EFCAB11: variants seen among roughly 807,000 people sequenced by gnomAD.
EFCAB11 encodes EF-hand calcium binding domain 11.
Under a neutral mutation model 23.0 loss-of-function variants are expected in EFCAB11, and 14 were observed. That is an observed-to-expected ratio of 0.61 (90% CI 0.40 to 0.95). The LOEUF is 0.95. EFCAB11 is among the 40% of genes least tolerant of loss of function. The pLI, the probability that EFCAB11 is intolerant of heterozygous loss-of-function variation, is 0.00. For missense variants in EFCAB11, 198 were observed against 195.8 expected (o/e 1.01, Z -0.07); for synonymous variants, 65 against 66.6 (o/e 0.98, Z 0.11).
At chr14:89,821,172 T>C (rs1022011730) in intron 5 of EFCAB11, among the ~76,000 whole-genome samples, 1 of 152,150 alleles carries the variant, frequency 6.6e-6, no homozygotes, top group African/African-American at 2.4e-5. Flanking sequence ...GTGATTAACA[T>C]TTCAATCAGT....
intron 5 of EFCAB11, among the ~76,000 whole-genome samples, chr14:89,930,845 G>C (rs1258147762): frequency 2.0e-5 from 3 of 152,260 alleles, no homozygotes; most frequent in African/African-American, 7.2e-5. Context: ...GAATACACCT[G>C]TTAACAGGGT....
At position 89,873,087 on chromosome 14, in the gene EFCAB11, A is replaced by G. The variant is rs141452816; in HGVS notation, c.410+58454T>C. Among the ~76,000 whole-genome samples the G allele has an allele frequency of 2.0e-5, 3 of 152,328 alleles. No individual in the cohort carries two copies. The South Asian group carries it at 6.2e-4, about 32-fold the overall frequency. On this transcript the variant is annotated intron_variant, in intron 5 of 5. Transcript: ENST00000316738. The stretch of plus-strand genomic sequence containing the variant: ...TCTATGTCACAGATAAAGACATACC[A>G]GAGACTGGGTACTTTATAAAGGAGG...
chr14:89,906,217 A>AATT (rs1566805428), intron 5 of EFCAB11, among the ~76,000 whole-genome samples: 10 of 147,300 alleles, frequency 6.8e-5, no homozygotes, highest in African/African-American at 2.3e-4. Context: ...ATAAATAAAT[A>AATT]AATTAAAGGT....
intron 5 of EFCAB11, among the ~76,000 whole-genome samples, chr14:89,846,202 A>T (rs965246923): frequency 6.6e-6 from 1 of 152,238 alleles, no homozygotes; most frequent in African/African-American, 2.4e-5. Flanking sequence ...TATTATTAGC[A>T]TTATGCTTCT....
intron 5 of EFCAB11, among the ~76,000 whole-genome samples, chr14:89,838,267 T>C (rs187595707): frequency 3.3e-5 from 5 of 151,990 alleles, no homozygotes; most frequent in Middle Eastern, 3.4e-3. Context: ...ACTAGCAAGA[T>C]TGTAAAATCA....
At chr14:89,869,589 G>T (rs1170458926) in intron 5 of EFCAB11, among the ~76,000 whole-genome samples, 3 of 152,194 alleles carry the variant, frequency 2.0e-5, no homozygotes. Flanking sequence ...CCACAGGACC[G>T]AGTGTGCACT....
chr14:89,877,341 C>G (rs1179287950), intron 5 of EFCAB11, among the ~76,000 whole-genome samples: 1 of 151,952 alleles, frequency 6.6e-6, no homozygotes, highest in Non-Finnish European at 1.5e-5. Context: ...CCCGGCCAAC[C>G]AAAAGTATTT....
chr14:89,870,935 G>T (rs930949314), intron 5 of EFCAB11, among the ~76,000 whole-genome samples: 2 of 152,050 alleles, frequency 1.3e-5, no homozygotes, highest in Non-Finnish European at 2.9e-5. Context: ...GTGAGATTTT[G>T]TCTCAAAACA....
At chr14:89,832,182 C>T (rs1407188887) in intron 5 of EFCAB11, among the ~76,000 whole-genome samples, 1 of 151,944 alleles carries the variant, frequency 6.6e-6, no homozygotes, top group Non-Finnish European at 1.5e-5. Flanking sequence ...ACGTGGTGGC[C>T]GGCACCTGTA....
chr14:89,890,344 C>T lies in EFCAB11; in HGVS notation c.410+41197G>A, dbSNP rs376962295. Among the ~76,000 whole-genome samples, 45 of 152,222 alleles carry T rather than the reference C, an allele frequency of 3.0e-4. No homozygotes were observed. The South Asian group carries it at 8.9e-3, about 30-fold the overall frequency. The stretch of plus-strand genomic sequence containing the variant: ...TAAGAGCAATAAAAGGTCAGAAATA[C>T]TTGGTCATATTCTTTAAACAGCAAT... On this transcript the variant is annotated intron_variant, in intron 5 of 5. Coordinates refer to ENST00000316738, the MANE Select transcript of EFCAB11 (RefSeq NM_145231.4).
chr14:89,899,573 T>A (rs915289268), intron 5 of EFCAB11, among the ~76,000 whole-genome samples: 2 of 152,208 alleles, frequency 1.3e-5, no homozygotes, highest in African/African-American at 4.8e-5. Context: ...GGGTAAAAAT[T>A]TCTGTGACTC....
At position 89,795,674 on chromosome 14, in the gene EFCAB11, C is replaced by A. The variant is rs1401855142; in HGVS notation, c.*1569G>T. ...AAGTGAGACTCTGTCTCAAAAAAAA[C>A]CCGCAAACGTTTATTTTTATTAAGG... On this transcript the variant is annotated 3_prime_UTR_variant, in exon 6 of 6. Transcript: ENST00000316738. 6.6e-6 allele frequency: 1 copy of A among 152,064 alleles called. No individual in the cohort carries two copies. The highest frequency in any genetic ancestry group is 2.4e-5 in the African/African-American group (1 of 41,422). The allele number at this position is 152,064 out of a possible 1,614,324, so 9.4% of individuals were successfully genotyped here.
chr14:89,814,879 C>T (rs989828601), intron 5 of EFCAB11, among the ~76,000 whole-genome samples: 4 of 152,066 alleles, frequency 2.6e-5, no homozygotes, highest in Non-Finnish European at 5.9e-5. Context: ...GGGTCTTTGC[C>T]AAAAACCCAG....
chr14:89,890,147 C>A (rs1255282542), intron 5 of EFCAB11, among the ~76,000 whole-genome samples: 1 of 152,076 alleles, frequency 6.6e-6, no homozygotes, highest in Non-Finnish European at 1.5e-5. Context: ...AGATATAATA[C>A]CTTGATAAAA....
At chr14:89,938,994 T>C (rs917464892) in intron 3 of EFCAB11, among the ~76,000 whole-genome samples, 2 of 148,428 alleles carry the variant, frequency 1.3e-5, no homozygotes, top group African/African-American at 5.0e-5. Flanking sequence ...AAAAACCAGT[T>C]ACAGTAGAAT....
At chr14:89,837,724 G>A (rs1407107475) in intron 5 of EFCAB11, among the ~76,000 whole-genome samples, 1 of 152,102 alleles carries the variant, frequency 6.6e-6, no homozygotes, top group Non-Finnish European at 1.5e-5. Flanking sequence ...TAAGACTATG[G>A]CCATTGTGAG....
chr14:89,916,156 G>GAA (rs10569453), intron 5 of EFCAB11, among the ~76,000 whole-genome samples: 1 of 138,826 alleles, frequency 7.2e-6, no homozygotes, highest in African/African-American at 2.5e-5. Flanking sequence ...GAATGGCTCA[G>GAA]AAAAAAAAAA....
chr14:89,869,779 A>G (rs1255981196), intron 5 of EFCAB11, among the ~76,000 whole-genome samples: 3 of 152,200 alleles, frequency 2.0e-5, no homozygotes, highest in Non-Finnish European at 2.9e-5. Context: ...ATTTATGACA[A>G]CAACATCCTA....
intron 5 of EFCAB11, among the ~76,000 whole-genome samples, chr14:89,895,720 T>C (rs1183821481): frequency 6.6e-6 from 1 of 152,130 alleles, no homozygotes; most frequent in Admixed American, 6.5e-5. Flanking sequence ...AGGTAATAGG[T>C]CTCTGACTTT....
Sources: allele counts gnomAD v4.1 joint callset (sites outside exome capture counted in the v4.1 genomes callset), GRCh38; gene constraint gnomAD v4.1.1; transcripts MANE v1.5; gene names NCBI Gene and HGNC (gene_info 2026-07-23, HGNC 2026-07-21).